Variants in TTK observed in about 807,000 individuals in gnomAD.
The protein encoded by TTK is dual specificity protein kinase TTK.
A neutral mutation model predicts 117.3 loss-of-function variants in TTK; 59 were observed. That is an observed-to-expected ratio of 0.50 (90% CI 0.41 to 0.62). The LOEUF (loss-of-function observed/expected upper bound fraction) is 0.62, where lower values mean the gene tolerates loss of function less well. TTK is among the 20% of genes least tolerant of loss of function. The pLI is 0.00. For synonymous variants in TTK, 302 were observed against 325.0 expected (o/e 0.93, Z 0.76); for missense variants, 921 against 989.4 (o/e 0.93, Z 0.93).
rs1178855820 is a variant in TTK, at chr6:80,026,439, C to T, written c.1319C>T (p.Ser440Leu). ...GTTTCAAAACAGTCACCACCAATAT[C>T]AACATCTAAATGGTTTGACCCAAAA... Reference protein sequence around the residue: ...FSVSKQSPPISTSKWFDPKSI... With the variant: ...FSVSKQSPPILTSKWFDPKSI... Residue 440 changes from serine to leucine, a missense_variant, in exon 12 of 22, where the codon TCA becomes TTA. By Grantham distance (145) the Ser-to-Leu change is moderately radical (BLOSUM62 -2). Coordinates refer to ENST00000369798, the MANE Select transcript of TTK (RefSeq NM_003318.5). 1 of 1,613,894 alleles carries T rather than the reference C, an allele frequency of 6.2e-7. No individual in the cohort carries two copies. The highest frequency in any genetic ancestry group is 2.2e-5 in the East Asian group (1 of 44,838).
chr6:80,013,867 A>G (rs1246390131), intron 9 of TTK, among the ~76,000 whole-genome samples: 1 of 152,096 alleles, frequency 6.6e-6, no homozygotes, highest in Non-Finnish European at 1.5e-5. Context: ...TGTGATTTTT[A>G]GTGGTTATAC....
intron 5 of TTK, 99 bp from the exon 6 acceptor site, chr6:80,011,335 C>A (rs1767142750): frequency 2.6e-6 from 2 of 782,258 alleles, no homozygotes; most frequent in Admixed American, 7.0e-5. Flanking sequence ...ACAAGTATTT[C>A]CTATGAATTG....
In TTK at chr6:80,027,933, G is replaced by C; in HGVS notation, c.1443G>C (p.Leu481Phe). 6.2e-7 allele frequency: 1 copy of C among 1,608,502 alleles called. No individual in the cohort carries two copies. Among genetic ancestry groups the C allele is most frequent in the East Asian group, 2.3e-5 (1 of 44,428 alleles). The change falls in exon 13 of 22, where the codon TTG (leucine) becomes TTC (phenylalanine). Residue 481 changes from leucine (L) to phenylalanine (F), a missense_variant. Coordinates refer to ENST00000369798, the MANE Select transcript of TTK (RefSeq NM_003318.5). ...ATGACTTTCCACCTGCTTGTCAGTT[G>C]TCAACACCTTATGGCCAACCTGCCT... The part of the protein sequence containing the change: ...VKNDFPPACQ[L>F]STPYGQPACF...
intron 10 of TTK, among the ~76,000 whole-genome samples, chr6:80,019,706 T>C (rs986364572): frequency 6.6e-6 from 1 of 152,200 alleles, no homozygotes; most frequent in African/African-American, 2.4e-5. Context: ...TGAGCTGTTT[T>C]CATTGAACCA....
chr6:80,015,178 T>A, intron 10 of TTK, among the ~76,000 whole-genome samples: 1 of 108,388 alleles, frequency 9.2e-6, no homozygotes, highest in East Asian at 3.0e-4. Flanking sequence ...AGAAACAAAT[T>A]AGGATTTAAA....
chr6:80,030,471 G>C lies in TTK; in HGVS notation c.1522-996G>C, dbSNP rs572405514. ...TCTTACACTGCTATAAAGAAAAGAG[G>C]TTTAATTGGCTAATGGTTCCACAGG... On this transcript the variant is annotated intron_variant, in intron 13 of 21. Coordinates refer to ENST00000369798, the MANE Select transcript of TTK (RefSeq NM_003318.5). 2.0e-5 allele frequency among the ~76,000 whole-genome samples: 3 copies of C among 152,262 alleles called. No homozygotes were observed. In the South Asian group the frequency reaches 6.2e-4, roughly 32 times the overall value.
chr6:80,040,413 T>G, intron 20 of TTK, 133 bp downstream of exon 20: 1 of 916,044 alleles, frequency 1.1e-6, no homozygotes, highest in Non-Finnish European at 1.6e-6. Flanking sequence ...GGAAGTTCCA[T>G]TATTATAAAT....
chr6:80,013,221 A>G (rs938771247), intron 8 of TTK, 58 bp from the exon 9 acceptor site: 55 of 1,415,090 alleles, frequency 3.9e-5, no homozygotes, highest in Non-Finnish European at 5.0e-5. Context: ...GAAAAAATAC[A>G]TTGAAAATTT....
chr6:80,026,767 A>G (rs1008240867), intron 12 of TTK, among the ~76,000 whole-genome samples: 1 of 152,202 alleles, frequency 6.6e-6, no homozygotes. Flanking sequence ...CAACCTATAA[A>G]TATTCTAAGG....
At chr6:80,011,615 A>G in intron 6 of TTK, 67 bp downstream of exon 6, 2 of 1,535,408 alleles carry the variant, frequency 1.3e-6, no homozygotes, top group Non-Finnish European at 1.8e-6. Flanking sequence ...TTTTTAATGT[A>G]ATTACATGTA....
In TTK at chr6:80,039,764, A is replaced by G; in HGVS notation, c.2199A>G (p.Pro733=). 6.3e-7 allele frequency: 1 copy of G among 1,590,606 alleles called. No individual in the cohort carries two copies. The highest frequency in any genetic ancestry group is 1.2e-5 in the South Asian group (1 of 86,176). ...ACTATATGACTTACGGGAAAACACCATTTCAGCAGATAATTAATCAGATTT... is the reference window on the plus strand; with the variant it reads ...ACTATATGACTTACGGGAAAACACCGTTTCAGCAGATAATTAATCAGATTT... ...ILYYMTYGKT[P]FQQIINQISK... Residue 733 remains proline, a synonymous_variant, in exon 19 of 22, where the codon CCA becomes CCG. Coordinates refer to ENST00000369798, the MANE Select transcript of TTK (RefSeq NM_003318.5).
intron 21 of TTK, among the ~76,000 whole-genome samples, chr6:80,041,177 C>T (rs1329445789): frequency 6.6e-6 from 1 of 151,706 alleles, no homozygotes; most frequent in African/African-American, 2.4e-5. Context: ...CATGATTTTT[C>T]AAACACCTAG....
In TTK at chr6:80,035,102, C is replaced by T. The variant is rs200283079; in HGVS notation, c.1732C>T (p.Leu578=). The part of the protein sequence containing the change: ...YRNEIAYLNK[L]QQHSDKIIRL... ...GAACGAAATAGCTTATTTGAATAAACTACAACAACACAGTGATAAGATCAT... is the reference window on the plus strand; with the variant it reads ...GAACGAAATAGCTTATTTGAATAAATTACAACAACACAGTGATAAGATCAT... Residue 578 remains leucine (L), a synonymous_variant, in exon 15 of 22, where the codon CTA becomes TTA. Transcript: ENST00000369798. The T allele has an allele frequency of 2.6e-5, 42 of 1,592,422 alleles. No homozygotes were observed. The highest frequency in any genetic ancestry group is 3.6e-5 in the Non-Finnish European group (42 of 1,173,518).
chr6:80,039,042 A>G (rs953097779), intron 18 of TTK, among the ~76,000 whole-genome samples: 2 of 152,116 alleles, frequency 1.3e-5, no homozygotes, highest in Non-Finnish European at 2.9e-5. Flanking sequence ...CATCTTCAAG[A>G]TATGTTAAAG....
intron 5 of TTK, 129 bp downstream of exon 5, chr6:80,011,086 G>GT: frequency 8.4e-7 from 1 of 1,184,176 alleles, no homozygotes; most frequent in Non-Finnish European, 1.1e-6. Context: ...TGTAAAGGAG[G>GT]TAAGACTGAG....
At chr6:80,041,281 A>G (rs1281470832) in intron 21 of TTK, among the ~76,000 whole-genome samples, 2 of 151,826 alleles carry the variant, frequency 1.3e-5, no homozygotes, top group Non-Finnish European at 3.0e-5. Flanking sequence ...TTATCATAAA[A>G]TTATGGGAAC....
At chr6:80,030,946 TGAG>T (rs1767742455) in intron 13 of TTK, among the ~76,000 whole-genome samples, 2 of 150,566 alleles carry the variant, frequency 1.3e-5, no homozygotes, top group Admixed American at 1.3e-4. Context: ...CTCGGGAGGC[TGAG>T]GAGAAGAATC....
At chr6:80,030,798 G>A (rs1208331415) in intron 13 of TTK, among the ~76,000 whole-genome samples, 2 of 152,172 alleles carry the variant, frequency 1.3e-5, no homozygotes, top group Non-Finnish European at 2.9e-5. Context: ...CAGGGACATT[G>A]CTGAAATTTG....
At chr6:80,023,204 C>G (rs1767509871) in intron 11 of TTK, among the ~76,000 whole-genome samples, 2 of 152,006 alleles carry the variant, frequency 1.3e-5, no homozygotes, top group Admixed American at 1.3e-4. Flanking sequence ...TATCAGTGCC[C>G]CTAAAGAGCT....
Sources: gnomAD v4.1 joint callset for allele counts (sites outside exome capture counted in the v4.1 genomes callset) on GRCh38, gnomAD v4.1.1 for gene constraint, MANE v1.5 for transcripts, NCBI Gene and HGNC (gene_info 2026-07-23, HGNC 2026-07-21) for gene names.